Variants in ADCY8 observed in about 807,000 individuals in gnomAD.
The protein encoded by ADCY8 is adenylate cyclase type 8.
In ADCY8, 51 loss-of-function variants were observed where a neutral mutation model predicts 119.7. The observed-to-expected ratio is 0.43, with a 90% confidence interval of 0.34 to 0.54. The LOEUF (loss-of-function observed/expected upper bound fraction) is 0.54, where lower values mean the gene tolerates loss of function less well. ADCY8 is among the 20% of genes least tolerant of loss of function. The probability of loss-of-function intolerance (pLI) is 0.03; values close to 1 mark genes in which losing one functional copy is unlikely to be tolerated. For synonymous variants in ADCY8, 665 were observed against 651.0 expected (o/e 1.02, Z -0.33); for missense variants, 1,383 against 1,598.8 (o/e 0.87, Z 2.30).
intron 2 of ADCY8, among the ~76,000 whole-genome samples, chr8:130,985,512 T>A: frequency 6.6e-6 from 1 of 152,052 alleles, no homozygotes; most frequent in African/African-American, 2.4e-5. Context: ...ATGTAAGGAA[T>A]GAAGAATAAC....
chr8:130,926,787 T>C (rs1820480130), intron 5 of ADCY8, among the ~76,000 whole-genome samples: 1 of 152,138 alleles, frequency 6.6e-6, no homozygotes, highest in Non-Finnish European at 1.5e-5. Context: ...TCTACTTCTA[T>C]GGGTTAGCTT....
chr8:131,000,143 G>A (rs918453732), intron 1 of ADCY8, among the ~76,000 whole-genome samples: 1 of 152,166 alleles, frequency 6.6e-6, no homozygotes, highest in Admixed American at 6.5e-5. Flanking sequence ...GATCAGAGAA[G>A]TTAAGGAACA....
In ADCY8 at chr8:130,970,873, C is replaced by A. The variant is rs573630562; in HGVS notation, c.1111-18875G>T. On this transcript the variant is annotated intron_variant, in intron 2 of 17. Coordinates refer to ENST00000286355, the MANE Select transcript of ADCY8 (RefSeq NM_001115.3). ...ATTCTGAGTGTCCAATGAGAAATGA[C>A]AGGGACCTGGAACATGGTGGCAGGG... is the stretch of plus-strand genomic sequence containing the variant. Among the ~76,000 whole-genome samples the A allele has an allele frequency of 3.9e-5, 6 of 152,242 alleles. No homozygotes were observed. In the South Asian group the frequency reaches 1.2e-3, roughly 32 times the overall value.
At chr8:130,956,660 C>T (rs1247849675) in intron 2 of ADCY8, among the ~76,000 whole-genome samples, 2 of 152,192 alleles carry the variant, frequency 1.3e-5, no homozygotes, top group Non-Finnish European at 2.9e-5. Flanking sequence ...TGGCAAATCT[C>T]ATCTTAAATT....
At chr8:130,865,247 T>C (rs1341491512) in intron 9 of ADCY8, among the ~76,000 whole-genome samples, 1 of 152,158 alleles carries the variant, frequency 6.6e-6, no homozygotes, top group African/African-American at 2.4e-5. Context: ...AAAAATGATG[T>C]TCTTTCTTTC....
Position 130,798,969 on chromosome 8 carries a change from A to C in ADCY8, c.3060+1457T>G, listed in dbSNP as rs564421894. ...TACTATTCAGCCACAAAAAGAAGGAAGACCTGTCATTTGCAACAACATGGA... is the reference window on the plus strand; with the variant it reads ...TACTATTCAGCCACAAAAAGAAGGACGACCTGTCATTTGCAACAACATGGA... On this transcript the variant is annotated intron_variant, in intron 15 of 17. Transcript: ENST00000286355. 2.0e-5 allele frequency among the ~76,000 whole-genome samples: 3 copies of C among 152,268 alleles called. No individual in the cohort carries two copies. In the East Asian group the frequency reaches 5.8e-4, roughly 29 times the overall value.
In ADCY8 at chr8:131,040,178, G is replaced by A. The variant is rs923548276; in HGVS notation, c.156C>T (p.His52=). Residue 52 remains histidine (H), a synonymous_variant, in exon 1 of 18, where the codon CAC becomes CAT. Transcript: ENST00000286355. ...VRHITEQRFI[H]GHRGGSGSGS... ...CGCTGCCGCTGCCTCCCCGGTGCCC[G>A]TGAATGAAGCGCTGCTCCGTGATGT... 9.8e-6 allele frequency: 15 copies of A among 1,534,220 alleles called. No homozygotes were observed. In the Admixed American group the frequency reaches 2.0e-4, roughly 20 times the overall value.
chr8:130,903,704 GT>G, intron 7 of ADCY8, 67 bp downstream of exon 7: 1 of 1,547,744 alleles, frequency 6.5e-7, no homozygotes, highest in Non-Finnish European at 8.8e-7. Context: ...TTTCTCTGAG[GT>G]GTCTGGATTG....
At chr8:130,839,916 C>A (rs564654747) in intron 11 of ADCY8, among the ~76,000 whole-genome samples, 1 of 139,578 alleles carries the variant, frequency 7.2e-6, no homozygotes, top group African/African-American at 2.4e-5. Flanking sequence ...AAATAAATTG[C>A]GGTAGGGTAG....
intron 10 of ADCY8, among the ~76,000 whole-genome samples, chr8:130,847,900 A>G (rs1563690453): frequency 6.6e-6 from 1 of 152,158 alleles, no homozygotes; most frequent in Non-Finnish European, 1.5e-5. Context: ...GGAGGACTTG[A>G]AGAATCTGAA....
chr8:130,785,993 G>A (rs904903411), intron 15 of ADCY8, among the ~76,000 whole-genome samples: 5 of 152,172 alleles, frequency 3.3e-5, no homozygotes, highest in Non-Finnish European at 5.9e-5. Flanking sequence ...CAAGTGTATG[G>A]CTTACTCCCT....
intron 12 of ADCY8, among the ~76,000 whole-genome samples, chr8:130,835,390 A>G (rs1816954507): frequency 6.6e-6 from 1 of 152,162 alleles, no homozygotes; most frequent in African/African-American, 2.4e-5. Context: ...AGGCATTTCA[A>G]ATGGCTCTGC....
In ADCY8 at chr8:130,835,368, G is replaced by T. The variant is rs150678403; in HGVS notation, c.2675+909C>A. On this transcript the variant is annotated intron_variant, in intron 12 of 17. Coordinates refer to ENST00000286355, the MANE Select transcript of ADCY8 (RefSeq NM_001115.3). ...TCCTGAGACACTTTTTCCCACCTTAGAGCCTGCCCAGAGGCATTTCAAATG... is the reference window on the plus strand; with the variant it reads ...TCCTGAGACACTTTTTCCCACCTTATAGCCTGCCCAGAGGCATTTCAAATG... Among the ~76,000 whole-genome samples the T allele has an allele frequency of 1.5e-3, 232 of 152,304 alleles. 2 individuals carry two copies. Among genetic ancestry groups the T allele is most frequent in the East Asian group, 5.0e-3 (26 of 5,188 alleles).
intron 12 of ADCY8, among the ~76,000 whole-genome samples, chr8:130,830,221 A>G (rs1189536476): frequency 2.0e-5 from 3 of 152,180 alleles, no homozygotes; most frequent in African/African-American, 7.2e-5. Flanking sequence ...GTAAAAATCA[A>G]GCTGCAGACA....
At chr8:130,982,092 G>T (rs765571662) in intron 2 of ADCY8, among the ~76,000 whole-genome samples, 2 of 152,156 alleles carry the variant, frequency 1.3e-5, no homozygotes, top group Admixed American at 1.3e-4. Context: ...CAAATAATGC[G>T]CTAGGAAGAT....
intron 2 of ADCY8, among the ~76,000 whole-genome samples, chr8:130,972,239 C>T (rs568707132): frequency 2.0e-5 from 3 of 152,336 alleles, no homozygotes; most frequent in Admixed American, 1.3e-4. Flanking sequence ...AAGCCCTGTA[C>T]ATGAATCATT....
At chr8:130,993,239 T>C (rs1227613155) in intron 1 of ADCY8, among the ~76,000 whole-genome samples, 1 of 152,170 alleles carries the variant, frequency 6.6e-6, no homozygotes, top group Non-Finnish European at 1.5e-5. Flanking sequence ...ATAAAGGGTT[T>C]AATACATCAG....
intron 7 of ADCY8, among the ~76,000 whole-genome samples, chr8:130,887,723 T>C (rs1406538617): frequency 6.6e-6 from 1 of 152,146 alleles, no homozygotes; most frequent in Non-Finnish European, 1.5e-5. Context: ...CTCAGTACAC[T>C]GCAAAGGCTA....
intron 7 of ADCY8, chr8:130,892,325 C>T (rs962733911): frequency 2.6e-5 from 4 of 151,444 alleles, no homozygotes; most frequent in Non-Finnish European, 5.9e-5. Flanking sequence ...AAGTTTCCGA[C>T]TATTGTCTGG....
Sources: allele counts gnomAD v4.1 joint callset (sites outside exome capture counted in the v4.1 genomes callset), GRCh38; gene constraint gnomAD v4.1.1; transcripts MANE v1.5; gene names NCBI Gene and HGNC (gene_info 2026-07-23, HGNC 2026-07-21).